The following ANO3 variants were observed in gnomAD, a reference collection of about 807,000 sequenced individuals.
ANO3 encodes anoctamin 3.
Under a neutral mutation model 144.8 loss-of-function variants are expected in ANO3, and 99 were observed. The ratio of observed to expected loss-of-function variants is 0.68; its 90% confidence interval spans 0.58 to 0.81. The LOEUF (loss-of-function observed/expected upper bound fraction) is 0.81. Among genes scored for constraint, ANO3 ranks in the 30% least tolerant of loss-of-function variants. The probability of loss-of-function intolerance (pLI) is 0.00; values close to 1 mark genes in which losing one functional copy is unlikely to be tolerated. For synonymous variants in ANO3, 414 were observed against 392.6 expected, an observed-to-expected ratio of 1.05 and a Z score of -0.64; for missense variants, 905 against 1,202.2, an observed-to-expected ratio of 0.75 and a Z score of 3.66.
upstream of ANO3, among the ~76,000 whole-genome samples, chr11:26,304,782 C>T (rs1424164674): frequency 6.6e-6 from 1 of 152,108 alleles, no homozygotes; most frequent in Non-Finnish European, 1.5e-5. Context: ...ATCAGTTAAT[C>T]CATCTTTCTG....
At chr11:26,223,911 A>AT (rs1468722748) in intron 1 of ANO3, among the ~76,000 whole-genome samples, 2 of 152,040 alleles carry the variant, frequency 1.3e-5, no homozygotes, top group African/African-American at 4.8e-5. Flanking sequence ...CATATAAGGG[A>AT]TTTTCCCCCA....
chr11:26,442,968 G>A (rs1237999810), intron 2 of ANO3, among the ~76,000 whole-genome samples: 2 of 152,020 alleles, frequency 1.3e-5, no homozygotes, highest in Non-Finnish European at 2.9e-5. Context: ...GTTTCATCAT[G>A]TTTGTCAGGT....
chr11:26,408,513 T>C (rs1484603528), intron 1 of ANO3, among the ~76,000 whole-genome samples: 2 of 148,602 alleles, frequency 1.3e-5, no homozygotes, highest in African/African-American at 4.9e-5. Flanking sequence ...AGGAACACTT[T>C]TACACTGTTG....
chr11:26,355,304 T>C (rs1363119197), intron 1 of ANO3, among the ~76,000 whole-genome samples: 1 of 152,164 alleles, frequency 6.6e-6, no homozygotes, highest in African/African-American at 2.4e-5. Context: ...TGAATGATAA[T>C]TTGACTGGAT....
At chr11:26,248,854 C>CA (rs1290155748) in intron 1 of ANO3, among the ~76,000 whole-genome samples, 1 of 152,164 alleles carries the variant, frequency 6.6e-6, no homozygotes, top group Non-Finnish European at 1.5e-5. Flanking sequence ...CATGCCTGAC[C>CA]ACCTGAGCTC....
intron 14 of ANO3, 138 bp from the exon 15 acceptor site, chr11:26,598,227 G>C: frequency 2.8e-6 from 1 of 357,372 alleles, no homozygotes; most frequent in Admixed American, 4.7e-5. Flanking sequence ...ACAGGGAGAA[G>C]AGGAAAAGGG....
chr11:26,434,164 T>A (rs974995616), intron 1 of ANO3, among the ~76,000 whole-genome samples: 1 of 152,162 alleles, frequency 6.6e-6, no homozygotes, highest in Non-Finnish European at 1.5e-5. Flanking sequence ...GGTGTATGTG[T>A]CCCCTCTTAT....
At chr11:26,499,945 G>A (rs1861125561) in intron 4 of ANO3, among the ~76,000 whole-genome samples, 1 of 151,832 alleles carries the variant, frequency 6.6e-6, no homozygotes, top group Admixed American at 6.6e-5. Context: ...CCCTGTACCT[G>A]TTAGGAATTA....
chr11:26,646,497 C>G (rs541256102), intron 23 of ANO3, among the ~76,000 whole-genome samples: 3 of 152,228 alleles, frequency 2.0e-5, no homozygotes, highest in African/African-American at 7.2e-5. Flanking sequence ...ACAAGTCACA[C>G]TTCCAGTCAC....
At chr11:26,332,803 G>A (rs1195466562) in intron 1 of ANO3, among the ~76,000 whole-genome samples, 2 of 152,140 alleles carry the variant, frequency 1.3e-5, no homozygotes, top group African/African-American at 2.4e-5. Flanking sequence ...TGCAGTTAAA[G>A]GGGCTCTGTC....
chr11:26,617,925 A>T (rs1217400961), intron 17 of ANO3, among the ~76,000 whole-genome samples: 5 of 152,224 alleles, frequency 3.3e-5, no homozygotes, highest in Non-Finnish European at 7.3e-5. Flanking sequence ...GGATTTAATC[A>T]AGTAGGGCTA....
intron 1 of ANO3, among the ~76,000 whole-genome samples, chr11:26,277,549 C>T (rs574590398): frequency 2.4e-4 from 37 of 152,078 alleles, no homozygotes; most frequent in African/African-American, 8.7e-4. Flanking sequence ...TTTTGCTGCT[C>T]CTTCATTTTG....
chr11:26,442,013 A>G lies in ANO3; in HGVS notation c.142A>G (p.Lys48Glu), dbSNP rs141116985. 20 of 1,614,070 alleles carry G rather than the reference A, an allele frequency of 1.2e-5. No homozygotes were observed. Among genetic ancestry groups the G allele is most frequent in the Non-Finnish European group, 1.7e-5 (20 of 1,180,032 alleles). ...PCLAQSYAYS[K>E]SLSQSTSLFQ... ...CCTCGCCCAGAGCTACGCTTACTCA[A>G]AGAGCTTGAGCCAGTCTACTTCCCT... The change falls in exon 2 of 27, where the codon AAG (lysine) becomes GAG (glutamate). Residue 48 changes from lysine (K) to glutamate (E), a missense_variant. Lys to Glu is a moderately conservative substitution (Grantham distance 56). Transcript: ENST00000256737.
chr11:26,645,058 T>A (rs1056753307), intron 23 of ANO3, among the ~76,000 whole-genome samples: 3 of 68,848 alleles, frequency 4.4e-5, no homozygotes, highest in Non-Finnish European at 8.8e-5. Context: ...TCACCTGTTG[T>A]ATTTATTGTT....
chr11:26,329,101 C>T (rs1258674805), upstream of ANO3, among the ~76,000 whole-genome samples: 9 of 151,980 alleles, frequency 5.9e-5, no homozygotes, highest in Non-Finnish European at 1.2e-4. Flanking sequence ...AAAAGCAACC[C>T]AACATAGTTC....
intron 24 of ANO3, among the ~76,000 whole-genome samples, chr11:26,648,759 C>T (rs1166144418): frequency 7.9e-5 from 12 of 152,158 alleles, no homozygotes; most frequent in Admixed American, 7.9e-4. Flanking sequence ...AGCTGGAGAT[C>T]AGCCTTAGGT....
intron 1 of ANO3, among the ~76,000 whole-genome samples, chr11:26,264,197 A>T (rs1254225515): frequency 2.0e-5 from 3 of 152,256 alleles, no homozygotes; most frequent in African/African-American, 7.2e-5. Flanking sequence ...AAATATTTCC[A>T]AGAAATTAAA....
intron 1 of ANO3, among the ~76,000 whole-genome samples, chr11:26,350,693 G>T (rs1855625655): frequency 6.6e-6 from 1 of 151,588 alleles, no homozygotes; most frequent in Non-Finnish European, 1.5e-5. Context: ...TTTTTTTTCA[G>T]AAAATACACA....
At chr11:26,358,604 G>GTA (rs1855847879) in intron 1 of ANO3, among the ~76,000 whole-genome samples, 1 of 151,974 alleles carries the variant, frequency 6.6e-6, no homozygotes, top group Non-Finnish European at 1.5e-5. Flanking sequence ...ATTTTTATGT[G>GTA]TATTGTGTTT....
Sources: allele counts gnomAD v4.1 joint callset (sites outside exome capture counted in the v4.1 genomes callset), GRCh38; gene constraint gnomAD v4.1.1; transcripts MANE v1.5; gene names NCBI Gene and HGNC (gene_info 2026-07-23, HGNC 2026-07-21).